CNTD1: variants seen among roughly 807,000 people sequenced by gnomAD.
CNTD1 encodes the protein cyclin N-terminal domain containing 1.
A neutral mutation model predicts 36.3 loss-of-function variants in CNTD1; 17 were observed. The ratio of observed to expected loss-of-function variants is 0.47; its 90% confidence interval spans 0.32 to 0.70. CNTD1 has a LOEUF of 0.70. Among genes scored for constraint, CNTD1 ranks in the 30% least tolerant of loss-of-function variants. The pLI is 0.03. For missense variants in CNTD1, 338 were observed against 386.1 expected (o/e 0.88, Z 1.04); for synonymous variants, 128 against 153.3 (o/e 0.83, Z 1.22).
At chr17:42,808,553 TAAA>T (rs775660371) in intron 6 of CNTD1, among the ~76,000 whole-genome samples, 9 of 99,870 alleles carry the variant, frequency 9.0e-5, no homozygotes, top group Admixed American at 1.1e-4. Context: ...CCCATCTCAT[TAAA>T]AAAAAAAAAA....
chr17:42,798,905 C>G lies in CNTD1; in HGVS notation c.-163C>G, dbSNP rs994312229. ...GGGCGGGAAAAAGCTGTGGAGGGTT[C>G]GAGGCTGTGGTGGTAATTGGGTTTT... On this transcript the variant is annotated 5_prime_UTR_variant, in exon 1 of 7. Coordinates refer to ENST00000588408, the MANE Select transcript of CNTD1 (RefSeq NM_173478.3). 1.2e-5 allele frequency: 18 copies of G among 1,446,008 alleles called. No individual in the cohort carries two copies. Among genetic ancestry groups the G allele is most frequent in the African/African-American group, 1.1e-4 (8 of 69,794 alleles). 89.6% of individuals were successfully genotyped at this position (1,446,008 alleles called of 1,614,324 possible). A position where few individuals can be genotyped will look rare whatever the true frequency, so the allele number is the denominator to read the frequency against.
rs144795095 is a variant in CNTD1 at position 42,807,274 on chromosome 17, G to A, written c.725+456G>A. The stretch of plus-strand genomic sequence containing the variant: ...ACTAAAAATACAAAAAATTAGCCGG[G>A]CGTGGTGGCGGGCACCTGTAGTCCC... On this transcript the variant is annotated intron_variant, in intron 5 of 6. Transcript: ENST00000588408. Among the ~76,000 whole-genome samples the A allele has an allele frequency of 6.8e-3, 1,029 of 152,200 alleles. 60 individuals carry two copies. The highest frequency in any genetic ancestry group is 0.063 in the Admixed American group (959 of 15,276).
intron 1 of CNTD1, among the ~76,000 whole-genome samples, chr17:42,800,983 G>A (rs949931528): frequency 3.9e-5 from 6 of 152,174 alleles, no homozygotes; most frequent in South Asian, 2.1e-4. Context: ...TCAGGGGTTC[G>A]AGACCAGCCT....
In CNTD1 at chr17:42,803,607, C is replaced by T. The variant is rs781266549; in HGVS notation, c.170-13C>T. On this transcript the variant is annotated splice_polypyrimidine_tract_variant and intron_variant, in intron 1 of 6. Coordinates refer to ENST00000588408, the MANE Select transcript of CNTD1 (RefSeq NM_173478.3). ...CATCTTGTGAATTAGGCTCTTTTTT[C>T]CTGTTTTGGCAGAGTTTGTTTTTCT... is the stretch of plus-strand genomic sequence containing the variant. The T allele has an allele frequency of 1.9e-6, 3 of 1,608,784 alleles. No homozygotes were observed. The highest frequency in any genetic ancestry group is 4.5e-5 in the East Asian group (2 of 44,792).
rs1487781799 is a variant in CNTD1 at position 42,809,885 on chromosome 17, C to CT, written c.*351dup. ...ATACAGACTATCTGGGTGACCTTGA[C>CT]TAAGCATCAAGGAGGTAGCCTTTAT... On this transcript the variant is annotated 3_prime_UTR_variant, in exon 7 of 7. Coordinates refer to ENST00000588408, the MANE Select transcript of CNTD1 (RefSeq NM_173478.3). 6.0e-6 allele frequency: 1 copy of CT among 166,050 alleles called. No homozygotes were observed. The highest frequency in any genetic ancestry group is 1.3e-5 in the Non-Finnish European group (1 of 77,210). 10.3% of individuals were successfully genotyped at this position (166,050 alleles called of 1,614,324 possible). A position where few individuals can be genotyped will look rare whatever the true frequency, so the allele number is the denominator to read the frequency against.
rs1198560900 is a variant in CNTD1 at position 42,798,949 on chromosome 17, G to A, written c.-119G>A. 28 of 1,476,656 alleles carry A rather than the reference G, an allele frequency of 1.9e-5. No homozygotes were observed. The highest frequency in any genetic ancestry group is 2.5e-5 in the East Asian group (1 of 40,666). 91.5% of individuals were successfully genotyped at this position (1,476,656 alleles called of 1,614,324 possible). ...GGGTTTTCCTCAGACTTGAGGCGAC[G>A]ACACACTCATTGGAAGGGGACGAGG... On this transcript the variant is annotated 5_prime_UTR_variant, in exon 1 of 7. Coordinates refer to ENST00000588408, the MANE Select transcript of CNTD1 (RefSeq NM_173478.3).
At chr17:42,799,312 C>A in intron 1 of CNTD1, 76 bp downstream of exon 1, 1 of 1,449,312 alleles carries the variant, frequency 6.9e-7, no homozygotes, top group Non-Finnish European at 9.2e-7. Context: ...CCTTGAGATT[C>A]CGTTGATTTT....
chr17:42,804,008 AT>A (rs374376015), intron 2 of CNTD1, among the ~76,000 whole-genome samples: 331 of 139,574 alleles, frequency 2.4e-3, no homozygotes, highest in Middle Eastern at 3.8e-3. Flanking sequence ...GCACTTGGCT[AT>A]TTTTTTTTTT....
Position 42,798,860 on chromosome 17 carries a change from TGAG to T in CNTD1, c.-204_-202del. ...GAAGCGGACGTGCTTTCTGATTGGC[TGAG>T]GAGTCCGTGGCCGTTGGGGCGGGAA... On this transcript the variant is annotated 5_prime_UTR_variant, in exon 1 of 7. Coordinates refer to ENST00000588408, the MANE Select transcript of CNTD1 (RefSeq NM_173478.3). 1 of 1,441,634 alleles carries T rather than the reference TGAG, an allele frequency of 6.9e-7. No individual in the cohort carries two copies. Among genetic ancestry groups the T allele is most frequent in the Non-Finnish European group, 9.1e-7 (1 of 1,103,280 alleles). The allele number at this position is 1,441,634 out of a possible 1,614,324, so 89.3% of individuals were successfully genotyped here. A position where few individuals can be genotyped will look rare whatever the true frequency, so the allele number is the denominator to read the frequency against.
At position 42,803,712 on chromosome 17, in the gene CNTD1, A is replaced by G. The variant is rs1341613824; in HGVS notation, c.245+17A>G. 2 of 1,603,956 alleles carry G rather than the reference A, an allele frequency of 1.2e-6. No homozygotes were observed. Among genetic ancestry groups the G allele is most frequent in the African/African-American group, 1.3e-5 (1 of 74,638 alleles). On this transcript the variant is annotated intron_variant, in intron 2 of 6. Transcript: ENST00000588408. ...CCTAGAAAGGTAAAGCCCTGGCATA[A>G]TGCCTTTTGAACGGCACCTCTCAGA...
chr17:42,798,886 GA>G lies in CNTD1; in HGVS notation c.-177del. On this transcript the variant is annotated 5_prime_UTR_variant, in exon 1 of 7. Transcript: ENST00000588408. ...GAGGAGTCCGTGGCCGTTGGGGCGGGAAAAAGCTGTGGAGGGTTCGAGGCTG... is the reference window on the plus strand; with the variant it reads ...GAGGAGTCCGTGGCCGTTGGGGCGGGAAAAGCTGTGGAGGGTTCGAGGCTG... The G allele has an allele frequency of 1.4e-6, 2 of 1,441,258 alleles. No individual in the cohort carries two copies. Among genetic ancestry groups the G allele is most frequent in the Non-Finnish European group, 9.1e-7 (1 of 1,102,636 alleles). The allele number at this position is 1,441,258 out of a possible 1,614,324, so 89.3% of individuals were successfully genotyped here.
At position 42,805,806 on chromosome 17, in the gene CNTD1, G is replaced by A; in HGVS notation, c.502G>A (p.Asp168Asn). ...AGAAGAACTGCTGGAATCAGAGCTT[G>A]ATGTTTTGAAGTCCTTGAACTTCCG... ...TKEELLESEL[D>N]VLKSLNFRIN... is the part of the protein sequence containing the mutation. Residue 168 changes from aspartate (D) to asparagine (N), a missense_variant, in exon 4 of 7, where the codon GAT becomes AAT. Physicochemically the swap from Asp to Asn is conservative, Grantham distance 23 (BLOSUM62 1). Coordinates refer to ENST00000588408, the MANE Select transcript of CNTD1 (RefSeq NM_173478.3). The A allele has an allele frequency of 6.2e-7, 1 of 1,614,110 alleles. No homozygotes were observed. The highest frequency in any genetic ancestry group is 8.5e-7 in the Non-Finnish European group (1 of 1,179,946).
Position 42,811,042 on chromosome 17 carries a change from G to A in CNTD1, c.*1507G>A. ...TCATTTTATCTATTAAAGAACACTT[G>A]GTGAGGAATGATAGTGTATTTTGGA... On this transcript the variant is annotated 3_prime_UTR_variant, in exon 7 of 7. Transcript: ENST00000588408. The A allele has an allele frequency of 9.0e-7, 1 of 1,106,010 alleles. No individual in the cohort carries two copies. The highest frequency in any genetic ancestry group is 1.2e-6 in the Non-Finnish European group (1 of 806,520). The allele number at this position is 1,106,010 out of a possible 1,614,324, so 68.5% of individuals were successfully genotyped here. A position where few individuals can be genotyped will look rare whatever the true frequency, so the allele number is the denominator to read the frequency against.
In CNTD1 at chr17:42,804,391, A is replaced by G; in HGVS notation, c.412A>G (p.Asn138Asp). The change falls in exon 3 of 7, where the codon AAC becomes GAC. Residue 138 changes from asparagine to aspartate, a missense_variant. Transcript: ENST00000588408. Reference sequence around the variant, plus strand: ...GCTGGCCAGCAAACTTTCCTTCCGAAACAAAGTAAGGAGCTGGGGTTGCTC... The same window carrying G: ...GCTGGCCAGCAAACTTTCCTTCCGAGACAAAGTAAGGAGCTGGGGTTGCTC... The part of the protein sequence containing the change: ...VQLASKLSFR[N>D]KIISNITVLN... 1 of 1,613,760 alleles carries G rather than the reference A, an allele frequency of 6.2e-7. No homozygotes were observed. The highest frequency in any genetic ancestry group is 8.5e-7 in the Non-Finnish European group (1 of 1,179,800).
At chr17:42,801,518 T>A (rs1454599348) in intron 1 of CNTD1, among the ~76,000 whole-genome samples, 5,241 of 51,750 alleles carry the variant, frequency 0.1, 340 homozygotes, top group African/African-American at 0.2. Context: ...AAAATATATA[T>A]ATATATATAT....
At position 42,805,831 on chromosome 17, in the gene CNTD1, G is replaced by A. The variant is rs61995868; in HGVS notation, c.527G>A (p.Arg176Gln). The change falls in exon 4 of 7, where the codon CGA becomes CAA. Residue 176 changes from arginine to glutamine, a missense_variant. Physicochemically the swap from Arg to Gln is conservative, Grantham distance 43. Coordinates refer to ENST00000588408, the MANE Select transcript of CNTD1 (RefSeq NM_173478.3). ...ELDVLKSLNF[R>Q]INLPTPLAYV... ...GATGTTTTGAAGTCCTTGAACTTCC[G>A]AATTAATCTGCCCACTCCCCTGGCA... 0.027 allele frequency: 44,174 copies of A among 1,613,794 alleles called. 5,491 individuals are homozygous for A. The African/African-American group carries it at 0.35, about 13-fold the overall frequency.
chr17:42,803,808 C>A (rs947251549), intron 2 of CNTD1, 113 bp downstream of exon 2: 48 of 771,926 alleles, frequency 6.2e-5, no homozygotes, highest in South Asian at 4.7e-4. Flanking sequence ...GGTTTTACAC[C>A]CTCTCTAACT....
rs12947820 is a variant in CNTD1 at position 42,805,737 on chromosome 17, A to G, written c.433A>G (p.Thr145Ala). The G allele has an allele frequency of 6.2e-7, 1 of 1,611,896 alleles. No individual in the cohort carries two copies. Among genetic ancestry groups the G allele is most frequent in the Admixed American group, 1.7e-5 (1 of 59,510 alleles). Reference protein sequence around the residue: ...SFRNKIISNITVLNFLQALGY... With the variant: ...SFRNKIISNIAVLNFLQALGY... ...CTTTGCTCAGATAATCAGCAACATT[A>G]CAGTCTTGAATTTCCTCCAGGCTCT... Residue 145 changes from threonine (T) to alanine (A), a missense_variant, in exon 4 of 7, where the codon ACA becomes GCA. Physicochemically the swap from Thr to Ala is moderately conservative, Grantham distance 58. Transcript: ENST00000588408.
chr17:42,806,833 A>T lies in CNTD1; in HGVS notation c.725+15A>T. ...CAGCTGCAAGGGTAAGACAACTCCT[A>T]TAGGGTAGGCTCCTTCCAGGAACAG... On this transcript the variant is annotated intron_variant, in intron 5 of 6. Transcript: ENST00000588408. The T allele has an allele frequency of 1.2e-6, 2 of 1,613,560 alleles. No homozygotes were observed. The highest frequency in any genetic ancestry group is 1.7e-6 in the Non-Finnish European group (2 of 1,179,594).
Sources: allele counts gnomAD v4.1 joint callset (sites outside exome capture counted in the v4.1 genomes callset), GRCh38; gene constraint gnomAD v4.1.1; transcripts MANE v1.5; gene names NCBI Gene and HGNC (gene_info 2026-07-23, HGNC 2026-07-21).